SMARCA1: variants seen among roughly 807,000 people sequenced by gnomAD.
SMARCA1 encodes SWI/SNF-related matrix-associated actin-dependent regulator of chromatin subfamily A member 1.
SMARCA1 carries 17 observed loss-of-function variants against 93.6 expected under a neutral mutation model. That is an observed-to-expected ratio of 0.18 (90% CI 0.12 to 0.27). The LOEUF is 0.27. Ranked by LOEUF, SMARCA1 falls within the 10% of genes least tolerant of loss-of-function variation. The probability of loss-of-function intolerance (pLI) is 1.00; values close to 1 mark genes in which losing one functional copy is unlikely to be tolerated. For missense variants in SMARCA1, 630 were observed against 819.0 expected, an observed-to-expected ratio of 0.77 and a Z score of 2.82; for synonymous variants, 271 against 271.4, an observed-to-expected ratio of 1.00 and a Z score of 0.01.
chrX:129,520,768 T>C lies in SMARCA1; in HGVS notation c.175-2321A>G, dbSNP rs754616457. Among the ~76,000 whole-genome samples the C allele has an allele frequency of 1.1e-3, 123 of 112,842 alleles. 3 individuals carry two copies. The highest frequency in any genetic ancestry group is 2.6e-4 in the Non-Finnish European group (14 of 53,379). On this transcript the variant is annotated intron_variant, in intron 1 of 24. Transcript: ENST00000371121. ...TTTTCAAATGAGTTTATGGTTTTGT[T>C]ACACCTATAATCTTTATCATAAACT... is the stretch of plus-strand genomic sequence containing the variant.
At chrX:129,447,599 C>T (rs754704615) in intron 24 of SMARCA1, among the ~76,000 whole-genome samples, 1 of 110,925 alleles carries the variant, frequency 9.0e-6, no homozygotes, top group African/African-American at 3.3e-5. Flanking sequence ...TTTAACATAC[C>T]ATATTTCATA....
At position 129,459,183 on chromosome X, in the gene SMARCA1, G is replaced by A. The variant is rs566440686; in HGVS notation, c.3030+6337C>T. 4.5e-5 allele frequency among the ~76,000 whole-genome samples: 5 copies of A among 112,054 alleles called. No individual in the cohort carries two copies. The South Asian group carries it at 1.9e-3, about 42-fold the overall frequency. Reference sequence around the variant, plus strand: ...CACCTGTAATCCCAGCACTTTAGGAGGCTGAGGCGGGCAGATCATGAGGTC... The same window carrying A: ...CACCTGTAATCCCAGCACTTTAGGAAGCTGAGGCGGGCAGATCATGAGGTC... On this transcript the variant is annotated intron_variant, in intron 23 of 24. Coordinates refer to ENST00000371121, the MANE Select transcript of SMARCA1 (RefSeq NM_001282874.2).
intron 17 of SMARCA1, among the ~76,000 whole-genome samples, chrX:129,481,646 C>CAGTT (rs1933667458): frequency 9.0e-6 from 1 of 111,450 alleles, no homozygotes; most frequent in Admixed American, 9.5e-5. Flanking sequence ...CATCTCACAC[C>CAGTT]AGTTAGAATG....
chrX:129,519,464 A>G (rs1030074999), intron 1 of SMARCA1, among the ~76,000 whole-genome samples: 3 of 112,103 alleles, frequency 2.7e-5, no homozygotes, highest in Non-Finnish European at 5.7e-5. Flanking sequence ...AAAAATCAAC[A>G]GAATGTGACC....
intron 15 of SMARCA1, 129 bp downstream of exon 15, chrX:129,489,931 C>T: frequency 2.2e-6 from 1 of 446,998 alleles, no homozygotes; most frequent in South Asian, 4.1e-5. Context: ...TCATGGGATA[C>T]ACAGTGATGT....
intron 21 of SMARCA1, among the ~76,000 whole-genome samples, chrX:129,466,691 T>G (rs1932917772): frequency 9.0e-6 from 1 of 111,076 alleles, no homozygotes; most frequent in African/African-American, 3.3e-5. Context: ...CAAGCTATTA[T>G]GAACAGGTTG....
intron 13 of SMARCA1, 106 bp downstream of exon 13, chrX:129,492,934 G>T (rs1047381388): frequency 3.1e-6 from 1 of 323,906 alleles, no homozygotes; most frequent in African/African-American, 2.7e-5. Flanking sequence ...ATGAGGGGGC[G>T]GTGAGACGGG....
At position 129,504,745 on chromosome X, in the gene SMARCA1, T is replaced by C. The variant is rs1431389840; in HGVS notation, c.1156A>G (p.Arg386Gly). The C allele has an allele frequency of 8.4e-7, 1 of 1,192,012 alleles. No individual in the cohort carries two copies. The highest frequency in any genetic ancestry group is 2.2e-5 in the Admixed American group (1 of 45,802). ...CTGCTATTACTTACTGCATGAAGTC[T>C]TTCCACGAGTTTTTGATCACCAAGA... ...NCLGDQKLVE[R>G]LHAVLKPFLL... is the part of the protein sequence containing the mutation. Residue 386 changes from arginine (R) to glycine (G), a missense_variant, in exon 9 of 25, where the codon AGA becomes GGA. Transcript: ENST00000371121.
chrX:129,504,806 T>C lies in SMARCA1; in HGVS notation c.1099-4A>G. The C allele has an allele frequency of 2.6e-6, 3 of 1,174,323 alleles. No individual in the cohort carries two copies. The South Asian group carries it at 5.4e-5, about 21-fold the overall frequency. On this transcript the variant is annotated splice_polypyrimidine_tract_variant and splice_region_variant and intron_variant, in intron 8 of 24. Coordinates refer to ENST00000371121, the MANE Select transcript of SMARCA1 (RefSeq NM_001282874.2). ...TGTCAAACCAAGAATCAAAGTCCTG[T>C]AGAGGGGTGGAAATTCTCCAATGAG...
At position 129,468,883 on chromosome X, in the gene SMARCA1, C is replaced by T; in HGVS notation, c.2588G>A (p.Arg863Gln). 2 of 1,188,236 alleles carry T rather than the reference C, an allele frequency of 1.7e-6. No homozygotes were observed. The highest frequency in any genetic ancestry group is 1.1e-6 in the Non-Finnish European group (1 of 878,420). Reference protein sequence around the residue: ...LTQGFTNWTKRDFNQFIKANE... With the variant: ...LTQGFTNWTKQDFNQFIKANE... ...AGCTTTAATAAACTGGTTAAAATCT[C>T]GTTTAGTCCAGTTTGTGAAACCCTG... Residue 863 changes from arginine to glutamine, a missense_variant, in exon 21 of 25, where the codon CGA (arginine) becomes CAA (glutamine). Physicochemically the swap from Arg to Gln is conservative, Grantham distance 43 (BLOSUM62 1). Coordinates refer to ENST00000371121, the MANE Select transcript of SMARCA1 (RefSeq NM_001282874.2).
intron 1 of SMARCA1, among the ~76,000 whole-genome samples, chrX:129,520,029 T>C (rs1039967054): frequency 9.4e-6 from 1 of 106,108 alleles, no homozygotes; most frequent in Non-Finnish European, 1.9e-5. Flanking sequence ...AATTATATGC[T>C]AATTAAAATC....
In SMARCA1 at chrX:129,499,486, T is replaced by C. The variant is rs181596013; in HGVS notation, c.1277+246A>G. On this transcript the variant is annotated intron_variant, in intron 10 of 24. Coordinates refer to ENST00000371121, the MANE Select transcript of SMARCA1 (RefSeq NM_001282874.2). Reference sequence around the variant, plus strand: ...TTTAGGCTATGTAACTTGCCCAAGATAACTAGCTGTTAAGTGGTAATGCAT... The same window carrying C: ...TTTAGGCTATGTAACTTGCCCAAGACAACTAGCTGTTAAGTGGTAATGCAT... Among the ~76,000 whole-genome samples, 3 of 112,135 alleles carry C rather than the reference T, an allele frequency of 2.7e-5. No individual in the cohort carries two copies. The Admixed American group carries it at 2.9e-4, about 11-fold the overall frequency.
intron 23 of SMARCA1, among the ~76,000 whole-genome samples, chrX:129,455,323 G>A (rs60961789): frequency 0.056 from 6,183 of 109,909 alleles, 187 homozygotes; most frequent in African/African-American, 0.12. Context: ...GATGAAGCTG[G>A]AAACCATCAT....
chrX:129,487,435 T>G (rs1463702519), intron 16 of SMARCA1, among the ~76,000 whole-genome samples: 1 of 112,767 alleles, frequency 8.9e-6, no homozygotes, highest in African/African-American at 3.2e-5. Flanking sequence ...GACAAATAGC[T>G]AAAGCTAAGA....
rs1274621812 is a variant in SMARCA1 at position 129,447,086 on chromosome X, C to G, written c.*76G>C. The stretch of plus-strand genomic sequence containing the variant: ...TTTTTCTTAGAGTACCATGAATACA[C>G]TGGAACTGGCAATTAGCATTTGAAG... On this transcript the variant is annotated 3_prime_UTR_variant, in exon 25 of 25. Coordinates refer to ENST00000371121, the MANE Select transcript of SMARCA1 (RefSeq NM_001282874.2). 9.9e-6 allele frequency: 8 copies of G among 810,929 alleles called. No homozygotes were observed. Among genetic ancestry groups the G allele is most frequent in the Non-Finnish European group, 1.4e-5 (8 of 569,361 alleles). The allele number at this position is 810,929 out of a possible 1,213,427, so 66.8% of individuals were successfully genotyped here.
chrX:129,502,523 T>C (rs896300889), intron 9 of SMARCA1, among the ~76,000 whole-genome samples: 5 of 111,953 alleles, frequency 4.5e-5, no homozygotes, highest in East Asian at 2.8e-4. Flanking sequence ...TGGAAAGTCA[T>C]TGAAGACACT....
chrX:129,452,181 CA>C (rs1444147111), intron 23 of SMARCA1, among the ~76,000 whole-genome samples: 1 of 112,491 alleles, frequency 8.9e-6, no homozygotes, highest in Non-Finnish European at 1.9e-5. Context: ...GTCAAAAGCA[CA>C]TTCTTTTTCT....
intron 15 of SMARCA1, among the ~76,000 whole-genome samples, chrX:129,489,623 T>C (rs1441258215): frequency 8.9e-6 from 1 of 112,580 alleles, no homozygotes; most frequent in African/African-American, 3.2e-5. Context: ...AGTGGCGCGA[T>C]CTCGGCTCAC....
chrX:129,497,869 G>A lies in SMARCA1; in HGVS notation c.1480C>T (p.Leu494=). Residue 494 remains leucine, a synonymous_variant, in exon 11 of 25, where the codon CTA becomes TTA. Transcript: ENST00000371121. ...NSGKMVVLDK[L]LAKLKEQGSR... ...CCCTGTTCTTTGAGTTTGGCCAATAGTTTATCCAGAACTACCATTTTACCA... is the reference window on the plus strand; with the variant it reads ...CCCTGTTCTTTGAGTTTGGCCAATAATTTATCCAGAACTACCATTTTACCA... 1 of 1,204,025 alleles carries A rather than the reference G, an allele frequency of 8.3e-7. No homozygotes were observed. Among genetic ancestry groups the A allele is most frequent in the Non-Finnish European group, 1.1e-6 (1 of 888,776 alleles).
Sources: allele counts gnomAD v4.1 joint callset (sites outside exome capture counted in the v4.1 genomes callset), GRCh38; gene constraint gnomAD v4.1.1; transcripts MANE v1.5; gene names NCBI Gene and HGNC (gene_info 2026-07-23, HGNC 2026-07-21).